HOXA13: variants seen among roughly 807,000 people sequenced by gnomAD.
HOXA13 encodes homeobox A13, also known as homeobox protein Hox-A13.
HOXA13 carries 5 observed loss-of-function variants against 25.7 expected under a neutral mutation model. That is an observed-to-expected ratio of 0.19 (90% CI 0.10 to 0.41). The LOEUF is 0.41. Ranked by LOEUF, HOXA13 falls within the 10% of genes least tolerant of loss-of-function variation. The pLI, the probability that HOXA13 is intolerant of heterozygous loss-of-function variation, is 1.00. For missense variants in HOXA13, 557 were observed against 533.5 expected (o/e 1.04, Z -0.43); for synonymous variants, 284 against 241.1 (o/e 1.18, Z -1.65).
chr7:27,198,699 G>A (rs1784039680), intron 1 of HOXA13: 1 of 572,480 alleles, frequency 1.7e-6, no homozygotes, highest in Admixed American at 3.0e-5. Flanking sequence ...AGCCTCGAGT[G>A]ATAGCCTGGT....
chr7:27,195,032 A>G lies in HOXA13; in HGVS notation c.*3166T>C, dbSNP rs1202825107. 1 of 152,238 alleles carries G rather than the reference A, an allele frequency of 6.6e-6. No homozygotes were observed. The highest frequency in any genetic ancestry group is 1.5e-5 in the Non-Finnish European group (1 of 68,040). The allele number at this position is 152,238 out of a possible 1,614,324, so 9.4% of individuals were successfully genotyped here. On this transcript the variant is annotated 3_prime_UTR_variant, in exon 2 of 2. Coordinates refer to ENST00000649031, the MANE Select transcript of HOXA13 (RefSeq NM_000522.5). ...TGTTACTTTGGCTTGATGGCAGCTCATTTGGAAATGGAGTACTGTTTGGAA... is the reference window on the plus strand; with the variant it reads ...TGTTACTTTGGCTTGATGGCAGCTCGTTTGGAAATGGAGTACTGTTTGGAA...
In HOXA13 at chr7:27,197,108, T is replaced by A. The variant is rs1784013217; in HGVS notation, c.*1090A>T. The A allele has an allele frequency of 4.8e-6, 1 of 208,396 alleles. No individual in the cohort carries two copies. The highest frequency in any genetic ancestry group is 9.8e-6 in the Non-Finnish European group (1 of 102,228). The allele number at this position is 208,396 out of a possible 1,614,324, so 12.9% of individuals were successfully genotyped here. ...ATTAAAAATGTGCTGTGAAGATGAA[T>A]CACTAATCTTTCTAATGCACTCTGA... On this transcript the variant is annotated 3_prime_UTR_variant, in exon 2 of 2. Transcript: ENST00000649031.
At position 27,199,072 on chromosome 7, in the gene HOXA13, C is replaced by G. The variant is rs2071265; in HGVS notation, c.922+84G>C. ...GGGCAGACCAGGAAGAGAACAGAAA[C>G]GCACCCGGGATCGCCCGGGTGCGAG... On this transcript the variant is annotated intron_variant, in intron 1 of 1. Transcript: ENST00000649031. The G allele has an allele frequency of 0.92, 1,241,763 of 1,356,444 alleles. 571,104 individuals carry two copies. The highest frequency in any genetic ancestry group is 0.99 in the African/African-American group (67,659 of 68,668). The allele number at this position is 1,356,444 out of a possible 1,614,324, so 84.0% of individuals were successfully genotyped here. A position where few individuals can be genotyped will look rare whatever the true frequency, so the allele number is the denominator to read the frequency against.
In HOXA13 at chr7:27,199,552, T is replaced by C; in HGVS notation, c.526A>G (p.Ser176Gly). 6.4e-7 allele frequency: 1 copy of C among 1,567,880 alleles called. No homozygotes were observed. ...ATGCGGGCGCACGGGTAGTAGCCGC[T>C]GCCGAAGTAGCCATAGGGCAGCGCC... ...PAALPYGYFG[S>G]GYYPCARMGP... The change falls in exon 1 of 2, where the codon AGC (serine) becomes GGC (glycine). Residue 176 changes from serine to glycine, a missense_variant. Coordinates refer to ENST00000649031, the MANE Select transcript of HOXA13 (RefSeq NM_000522.5).
At chr7:27,198,928 T>C (rs1297614036) in intron 1 of HOXA13, among the ~76,000 whole-genome samples, 1 of 151,708 alleles carries the variant, frequency 6.6e-6, no homozygotes, top group African/African-American at 2.4e-5. Flanking sequence ...AGAGGGAAGC[T>C]AGCCGAGGTC....
In HOXA13 at chr7:27,199,230, T is replaced by C. The variant is rs761685080; in HGVS notation, c.848A>G (p.Asn283Ser). 8.7e-6 allele frequency: 14 copies of C among 1,613,602 alleles called. No individual in the cohort carries two copies. The Middle Eastern group carries it at 6.6e-4, about 76-fold the overall frequency. The change falls in exon 1 of 2, where the codon AAC (asparagine) becomes AGC (serine). Residue 283 changes from asparagine to serine, a missense_variant. By Grantham distance (46) the Asn-to-Ser change is conservative. Transcript: ENST00000649031. ...GCAGTACATTTGGCCGTTCCAGCCG[T>C]TGGGCAGCGCCCAGGGCTGGTAGCT... ...MESYQPWALP[N>S]GWNGQMYCPK...
rs1486581834 is a variant in HOXA13, at chr7:27,197,934, T to G, written c.*264A>C. ...GTAACTTATCTGAAATTGCGTATTT[T>G]GGGGGTTGACGTTTGACATTTAACG... On this transcript the variant is annotated 3_prime_UTR_variant, in exon 2 of 2. Coordinates refer to ENST00000649031, the MANE Select transcript of HOXA13 (RefSeq NM_000522.5). The G allele has an allele frequency of 7.7e-6, 4 of 521,628 alleles. No homozygotes were observed. The highest frequency in any genetic ancestry group is 1.4e-5 in the Non-Finnish European group (4 of 291,384). 32.3% of individuals were successfully genotyped at this position (521,628 alleles called of 1,614,324 possible).
At position 27,199,986 on chromosome 7, in the gene HOXA13, A is replaced by G; in HGVS notation, c.92T>C (p.Leu31Pro). Reference sequence around the variant, plus strand: ...CGCCGCCCCTTCCATGTTCTTGTTGAGCTCGTCGGCCACCAGGCCGCCGCC... The same window carrying G: ...CGCCGCCCCTTCCATGTTCTTGTTGGGCTCGTCGGCCACCAGGCCGCCGCC... ...DNGGGLVADE[L>P]NKNMEGAAAA... The change falls in exon 1 of 2, where the codon CTC (leucine) becomes CCC (proline). Residue 31 changes from leucine (L) to proline (P), a missense_variant. Transcript: ENST00000649031. The G allele has an allele frequency of 1.4e-6, 2 of 1,467,324 alleles. No individual in the cohort carries two copies. The highest frequency in any genetic ancestry group is 1.8e-6 in the Non-Finnish European group (2 of 1,096,176). 90.9% of individuals were successfully genotyped at this position (1,467,324 alleles called of 1,614,324 possible).
rs1318664342 is a variant in HOXA13 at position 27,195,295 on chromosome 7, C to G, written c.*2903G>C. 6.6e-6 allele frequency: 1 copy of G among 152,188 alleles called. No homozygotes were observed. Among genetic ancestry groups the G allele is most frequent in the Non-Finnish European group, 1.5e-5 (1 of 68,036 alleles). 9.4% of individuals were successfully genotyped at this position (152,188 alleles called of 1,614,324 possible). Reference sequence around the variant, plus strand: ...TCCGGCAGCCACTTTTGTAACCAATCAATATTATTTTCCATAAAATGATGA... The same window carrying G: ...TCCGGCAGCCACTTTTGTAACCAATGAATATTATTTTCCATAAAATGATGA... On this transcript the variant is annotated 3_prime_UTR_variant, in exon 2 of 2. Coordinates refer to ENST00000649031, the MANE Select transcript of HOXA13 (RefSeq NM_000522.5).
chr7:27,199,654 C>T lies in HOXA13; in HGVS notation c.424G>A (p.Ala142Thr), dbSNP rs1583448784. Reference sequence around the variant, plus strand: ...GCGGCCTCTGCGCCCGCCGGGCCCGCCGGGCCGGGACCTCCCGAGGACGAC... The same window carrying T: ...GCGGCCTCTGCGCCCGCCGGGCCCGTCGGGCCGGGACCTCCCGAGGACGAC... ...AASSSGGPGPAGPAGAEAAKQ... is the reference protein window; with the variant it reads ...AASSSGGPGPTGPAGAEAAKQ... The change falls in exon 1 of 2, where the codon GCG becomes ACG. Residue 142 changes from alanine (A) to threonine (T), a missense_variant. Ala to Thr is a moderately conservative substitution (Grantham distance 58). Coordinates refer to ENST00000649031, the MANE Select transcript of HOXA13 (RefSeq NM_000522.5). 3 of 1,273,768 alleles carry T rather than the reference C, an allele frequency of 2.4e-6. No homozygotes were observed. The South Asian group carries it at 7.9e-5, about 34-fold the overall frequency. 78.9% of individuals were successfully genotyped at this position (1,273,768 alleles called of 1,614,324 possible).
intron 1 of HOXA13, 62 bp downstream of exon 1, chr7:27,199,094 C>G: frequency 2.0e-6 from 3 of 1,516,712 alleles, no homozygotes; most frequent in Non-Finnish European, 2.7e-6. Context: ...CGCCCGGGTG[C>G]GAGCGGAGAA....
In HOXA13 at chr7:27,196,386, T is replaced by A. The variant is rs1346404318; in HGVS notation, c.*1812A>T. The A allele has an allele frequency of 6.6e-6, 1 of 152,228 alleles. No homozygotes were observed. The highest frequency in any genetic ancestry group is 1.9e-4 in the East Asian group (1 of 5,198). 9.4% of individuals were successfully genotyped at this position (152,228 alleles called of 1,614,324 possible). The stretch of plus-strand genomic sequence containing the variant: ...GCTTGTCAACGCGAGGTGGCGCCCT[T>A]GATCTACTAATCCAGCTAAGGCCAA... On this transcript the variant is annotated 3_prime_UTR_variant, in exon 2 of 2. Transcript: ENST00000649031.
At position 27,199,486 on chromosome 7, in the gene HOXA13, C is replaced by T. The variant is rs753825767; in HGVS notation, c.592G>A (p.Ala198Thr). Residue 198 changes from alanine (A) to threonine (T), a missense_variant, in exon 1 of 2, where the codon GCC becomes ACC. Coordinates refer to ENST00000649031, the MANE Select transcript of HOXA13 (RefSeq NM_000522.5). ...AAGGCGGCGGCGGCGGCGGCCGAGG[C>T]GGGCTGCGCGCACGACTTGATGGCG... ...PNAIKSCAQP[A>T]SAAAAAAFAD... 4 of 1,610,080 alleles carry T rather than the reference C, an allele frequency of 2.5e-6. No homozygotes were observed. The South Asian group carries it at 3.3e-5, about 13-fold the overall frequency.
At chr7:27,198,514 T>A in intron 1 of HOXA13, 72 bp from the exon 2 acceptor site, 1 of 1,594,634 alleles carries the variant, frequency 6.3e-7, no homozygotes, top group Non-Finnish European at 8.6e-7. Flanking sequence ...CAGCTCGATC[T>A]GAGCCACCCG....
At position 27,199,280 on chromosome 7, in the gene HOXA13, G is replaced by C; in HGVS notation, c.798C>G (p.His266Gln). 1 of 1,614,032 alleles carries C rather than the reference G, an allele frequency of 6.2e-7. No individual in the cohort carries two copies. The highest frequency in any genetic ancestry group is 8.5e-7 in the Non-Finnish European group (1 of 1,179,982). The change falls in exon 1 of 2, where the codon CAC becomes CAG. Residue 266 changes from histidine (H) to glutamine (Q), a missense_variant. His to Gln is a conservative substitution (Grantham distance 24). Transcript: ENST00000649031. ...TTTCCATGGGAAGACCCAAGGGTTC[G>C]TGGCGCGACTCGCCGGGGCCCCCGA... Reference protein sequence around the residue: ...PGLGGPGESRHEPLGLPMESY... With the variant: ...PGLGGPGESRQEPLGLPMESY...
In HOXA13 at chr7:27,195,589, G is replaced by T. The variant is rs914444277; in HGVS notation, c.*2609C>A. ...TATTATTATAGTTTTGATGGAAGTT[G>T]TTAATATTAAACATATTTATTTATC... On this transcript the variant is annotated 3_prime_UTR_variant, in exon 2 of 2. Coordinates refer to ENST00000649031, the MANE Select transcript of HOXA13 (RefSeq NM_000522.5). 2.0e-5 allele frequency: 3 copies of T among 152,162 alleles called. No individual in the cohort carries two copies. Among genetic ancestry groups the T allele is most frequent in the Non-Finnish European group, 4.4e-5 (3 of 68,026 alleles). The allele number at this position is 152,162 out of a possible 1,614,324, so 9.4% of individuals were successfully genotyped here.
rs1784005018 is a variant in HOXA13, at chr7:27,196,455, TC to T, written c.*1742del. On this transcript the variant is annotated 3_prime_UTR_variant, in exon 2 of 2. Transcript: ENST00000649031. ...TCAAGGTCACAAATTGTCTTTTTTT[TC>T]GTCAAGGTCAAGGTTTAAGGCCTTT... The T allele has an allele frequency of 6.6e-6, 1 of 152,336 alleles. No homozygotes were observed. Among genetic ancestry groups the T allele is most frequent in the East Asian group, 1.9e-4 (1 of 5,190 alleles). 9.4% of individuals were successfully genotyped at this position (152,336 alleles called of 1,614,324 possible). A position where few individuals can be genotyped will look rare whatever the true frequency, so the allele number is the denominator to read the frequency against.
chr7:27,199,679 CGCGGCGGCGGCGGCGGCGGCT>C lies in HOXA13; in HGVS notation c.378_398del (p.Ala127_Ala133del). The C allele has an allele frequency of 8.6e-7, 1 of 1,160,856 alleles. No homozygotes were observed. Among genetic ancestry groups the C allele is most frequent in the Non-Finnish European group, 1.1e-6 (1 of 944,640 alleles). 71.9% of individuals were successfully genotyped at this position (1,160,856 alleles called of 1,614,324 possible). A position where few individuals can be genotyped will look rare whatever the true frequency, so the allele number is the denominator to read the frequency against. On this transcript the variant is annotated inframe_deletion, in exon 1 of 2. Transcript: ENST00000649031. ...CCGGGCCGGGACCTCCCGAGGACGA[CGCGGCGGCGGCGGCGGCGGCT>C]GCAGCGGCAGCCGCGGCAGCAGCGG...
intron 1 of HOXA13, chr7:27,198,701 T>G: frequency 1.8e-6 from 1 of 565,012 alleles, no homozygotes; most frequent in Non-Finnish European, 3.2e-6. Context: ...CCTCGAGTGA[T>G]AGCCTGGTCC....
Sources: gnomAD v4.1 joint callset for allele counts (sites outside exome capture counted in the v4.1 genomes callset) on GRCh38, gnomAD v4.1.1 for gene constraint, MANE v1.5 for transcripts, NCBI Gene and HGNC (gene_info 2026-07-23, HGNC 2026-07-21) for gene names.